Variants in DIP2C observed in about 807,000 individuals in gnomAD.
DIP2C encodes the protein disco-interacting protein 2 homolog C.
In DIP2C, 33 loss-of-function variants were observed where a neutral mutation model predicts 192.4. That is an observed-to-expected ratio of 0.17 (90% CI 0.13 to 0.23). DIP2C has a LOEUF of 0.23. Among genes scored for constraint, DIP2C ranks in the 10% least tolerant of loss-of-function variants. DIP2C has a pLI of 1.00. For synonymous variants in DIP2C, 979 were observed against 864.1 expected, an observed-to-expected ratio of 1.13 and a Z score of -2.33; for missense variants, 1,537 against 2,110.1, an observed-to-expected ratio of 0.73 and a Z score of 5.32.
chr10:378,404 C>A (rs957099514), intron 17 of DIP2C, among the ~76,000 whole-genome samples: 2 of 152,170 alleles, frequency 1.3e-5, no homozygotes, highest in Non-Finnish European at 2.9e-5. Context: ...CAGGTGAAGA[C>A]AGACATGAAG....
intron 1 of DIP2C, among the ~76,000 whole-genome samples, chr10:571,704 C>G (rs532134078): frequency 1.4e-4 from 21 of 152,346 alleles, no homozygotes; most frequent in South Asian, 4.1e-4. Flanking sequence ...TCATGACCAG[C>G]TGCTGCCCCG....
At chr10:657,265 CTGGACCTGCCCCTGGACCTGCCA>C in intron 1 of DIP2C, among the ~76,000 whole-genome samples, 1 of 44,916 alleles carries the variant, frequency 2.2e-5, no homozygotes, top group African/African-American at 7.3e-5. Flanking sequence ...GGACCTGTCC[CTGGACCTGCCCCTGGACCTGCCA>C]CTGGACCTGT....
chr10:473,004 T>C (rs542793825), intron 2 of DIP2C, among the ~76,000 whole-genome samples: 8 of 152,338 alleles, frequency 5.3e-5, no homozygotes, highest in South Asian at 2.1e-4. Context: ...AATTTAACAA[T>C]ATAATTCAGG....
In DIP2C at chr10:421,476, T is replaced by G. The variant is rs1237807721; in HGVS notation, c.604+1348A>C. Among the ~76,000 whole-genome samples the G allele has an allele frequency of 2.0e-5, 3 of 152,316 alleles. No homozygotes were observed. The East Asian group carries it at 5.8e-4, about 29-fold the overall frequency. On this transcript the variant is annotated intron_variant, in intron 5 of 36. Transcript: ENST00000280886. ...GGTGCCCGATAAAGCTGGCAGAGCC[T>G]CAGCCACTATCCTGGGATCCAATAT...
chr10:370,558 T>C (rs1014094136), intron 17 of DIP2C, among the ~76,000 whole-genome samples: 7 of 152,220 alleles, frequency 4.6e-5, no homozygotes, highest in Admixed American at 1.3e-4. Flanking sequence ...CACAGTTTGT[T>C]TTGCTCACTG....
At chr10:535,800 T>C (rs992234844) in intron 1 of DIP2C, among the ~76,000 whole-genome samples, 1 of 152,242 alleles carries the variant, frequency 6.6e-6, no homozygotes, top group Non-Finnish European at 1.5e-5. Context: ...ATTATTGGTG[T>C]TAACTCCAGG....
rs140905068 is a variant in DIP2C, at chr10:453,854, C to T, written c.269-12858G>A. On this transcript the variant is annotated intron_variant, in intron 3 of 36. Coordinates refer to ENST00000280886, the MANE Select transcript of DIP2C (RefSeq NM_014974.3). ...GCTGGAGAAGCTCCTACAAAGCTGTCGGAGCTGGGGGTGAGCTGCTGGCTG... is the reference window on the plus strand; with the variant it reads ...GCTGGAGAAGCTCCTACAAAGCTGTTGGAGCTGGGGGTGAGCTGCTGGCTG... 3.0e-3 allele frequency among the ~76,000 whole-genome samples: 453 copies of T among 152,282 alleles called. 3 individuals carry two copies. Among genetic ancestry groups the T allele is most frequent in the African/African-American group, 0.01 (432 of 41,564 alleles).
chr10:513,609 C>T (rs74115029), intron 1 of DIP2C, among the ~76,000 whole-genome samples: 190 of 81,920 alleles, frequency 2.3e-3, no homozygotes, highest in African/African-American at 9.2e-3. Context: ...CTGTACCACG[C>T]CTTCCACACC....
chr10:682,493 C>T (rs1279751523), intron 1 of DIP2C, among the ~76,000 whole-genome samples: 1 of 151,538 alleles, frequency 6.6e-6, no homozygotes, highest in Non-Finnish European at 1.5e-5. Context: ...AAAAACTAAA[C>T]CAAACACCTG....
intron 1 of DIP2C, among the ~76,000 whole-genome samples, chr10:548,911 C>CCAAAAAAAA (rs1348217783): frequency 3.8e-5 from 1 of 26,462 alleles, no homozygotes; most frequent in African/African-American, 1.3e-4. Flanking sequence ...TAGCAGCTCA[C>CCAAAAAAAA]AAAAAAAAAA....
intron 1 of DIP2C, among the ~76,000 whole-genome samples, chr10:629,696 C>T (rs1415199472): frequency 6.6e-6 from 1 of 152,104 alleles, no homozygotes; most frequent in African/African-American, 2.4e-5. Flanking sequence ...AGGAAGCCCT[C>T]GCTCTCAGGG....
Position 376,497 on chromosome 10 carries a change from G to A in DIP2C, c.1991+6150C>T, listed in dbSNP as rs984033331. On this transcript the variant is annotated intron_variant, in intron 17 of 36. Coordinates refer to ENST00000280886, the MANE Select transcript of DIP2C (RefSeq NM_014974.3). ...AAGTTACCAGGAAGCCTGTTTGAGAGTGGGGTTGGGAGGGGGGGTCTTCCC... is the reference window on the plus strand; with the variant it reads ...AAGTTACCAGGAAGCCTGTTTGAGAATGGGGTTGGGAGGGGGGGTCTTCCC... 1.5e-4 allele frequency among the ~76,000 whole-genome samples: 22 copies of A among 151,472 alleles called. No individual in the cohort carries two copies. The East Asian group carries it at 4.1e-3, about 28-fold the overall frequency.
intron 1 of DIP2C, among the ~76,000 whole-genome samples, chr10:534,102 C>T (rs774067728): frequency 3.9e-5 from 6 of 152,182 alleles, no homozygotes; most frequent in Non-Finnish European, 7.3e-5. Flanking sequence ...GCCCCTCCTG[C>T]GGATGCAGCA....
At chr10:579,105 G>C (rs1337367937) in intron 1 of DIP2C, among the ~76,000 whole-genome samples, 1 of 152,032 alleles carries the variant, frequency 6.6e-6, no homozygotes, top group African/African-American at 2.4e-5. Context: ...GATCCATGTA[G>C]TGTAGGTACA....
chr10:337,209 T>TGC (rs2132520992), intron 29 of DIP2C, among the ~76,000 whole-genome samples: 1 of 138,836 alleles, frequency 7.2e-6, no homozygotes, highest in Non-Finnish European at 1.6e-5. Context: ...TGTCTGTGTG[T>TGC]GCAAGTGTGT....
chr10:344,740 C>T (rs546314638), intron 28 of DIP2C, 69 bp downstream of exon 28: 8 of 1,338,436 alleles, frequency 6.0e-6, no homozygotes, highest in African/African-American at 2.9e-5. Context: ...AGAGCCAGCA[C>T]GTGACCTGCC....
At chr10:478,887 TAGGGGGAGGAAGAG>T (rs1433495570) in intron 2 of DIP2C, among the ~76,000 whole-genome samples, 1 of 151,772 alleles carries the variant, frequency 6.6e-6, no homozygotes, top group Admixed American at 6.6e-5. Context: ...CCAGAGAAGA[TAGGGGGAGGAAGAG>T]AGGGGTAGGG....
intron 1 of DIP2C, among the ~76,000 whole-genome samples, chr10:601,103 TTGTTTGGTTAAGAAAAACCAA>T (rs1852044881): frequency 6.6e-6 from 1 of 152,188 alleles, no homozygotes; most frequent in Admixed American, 6.5e-5. Context: ...CTTTACTCCC[TTGTTTGGTTAAGAAAAACCAA>T]AAGGCAGAAT....
At chr10:488,931 G>C (rs534799320) in intron 1 of DIP2C, among the ~76,000 whole-genome samples, 3 of 152,232 alleles carry the variant, frequency 2.0e-5, no homozygotes, top group Non-Finnish European at 2.9e-5. Context: ...CTGACGCAGA[G>C]AGACCTGCAG....
Sources: allele counts gnomAD v4.1 joint callset (sites outside exome capture counted in the v4.1 genomes callset), GRCh38; gene constraint gnomAD v4.1.1; transcripts MANE v1.5; gene names NCBI Gene and HGNC (gene_info 2026-07-23, HGNC 2026-07-21).